The following PHF19 variants were observed in gnomAD, a reference collection of about 807,000 sequenced individuals.
PHF19 encodes the protein polycomb like 3.
Under a neutral mutation model 79.8 loss-of-function variants are expected in PHF19, and 21 were observed. That is an observed-to-expected ratio of 0.26 (90% CI 0.19 to 0.38). PHF19 has a LOEUF of 0.38. PHF19 is among the 10% of genes least tolerant of loss of function. PHF19 has a pLI of 1.00. For missense variants in PHF19, 445 were observed against 744.2 expected (o/e 0.60, Z 4.68); for synonymous variants, 273 against 296.3 (o/e 0.92, Z 0.81).
chr9:120,889,339 T>C (rs1165332642), intron 1 of PHF19, among the ~76,000 whole-genome samples: 1 of 148,544 alleles, frequency 6.7e-6, no homozygotes, highest in Non-Finnish European at 1.5e-5. Flanking sequence ...GGCAGAAGAA[T>C]CACTTGAACC....
chr9:120,876,757 C>A (rs993972351), intron 1 of PHF19, among the ~76,000 whole-genome samples: 7 of 152,240 alleles, frequency 4.6e-5, no homozygotes, highest in Admixed American at 3.3e-4. Flanking sequence ...AAGCCTCCCC[C>A]ATCCCAACCC....
chr9:120,895,800 GCA>G (rs1382263092), upstream of PHF19, among the ~76,000 whole-genome samples: 7 of 152,122 alleles, frequency 4.6e-5, no homozygotes, highest in African/African-American at 7.2e-5. Context: ...CTACAGGCAT[GCA>G]CCACCACACC....
At chr9:120,872,037 C>CAAA (rs1170243737) in intron 3 of PHF19, among the ~76,000 whole-genome samples, 409 of 30,218 alleles carry the variant, frequency 0.014, 46 homozygotes, top group South Asian at 0.017. Context: ...GACTCTGTCT[C>CAAA]AAAAAAAAAA....
intron 1 of PHF19, among the ~76,000 whole-genome samples, chr9:120,883,740 G>C (rs577587076): frequency 1.5e-4 from 21 of 141,182 alleles, no homozygotes; most frequent in African/African-American, 5.6e-4. Flanking sequence ...CAGCCTGGGT[G>C]ACAGAACAAG....
intron 1 of PHF19, among the ~76,000 whole-genome samples, chr9:120,883,289 A>G (rs1180026626): frequency 6.6e-6 from 1 of 152,208 alleles, no homozygotes; most frequent in African/African-American, 2.4e-5. Context: ...TGTGGAACCA[A>G]GGATCCCTTC....
At chr9:120,894,954 G>A (rs1244320278), upstream of PHF19, 4 of 421,932 alleles carry the variant, frequency 9.5e-6, no homozygotes, top group East Asian at 1.6e-4. Context: ...GCCAGCCTCG[G>A]CTCCACCAAA....
At position 120,862,543 on chromosome 9, in the gene PHF19, C is replaced by T. The variant is rs2045563551; in HGVS notation, c.1130+45G>A. 6.3e-7 allele frequency: 1 copy of T among 1,585,276 alleles called. No homozygotes were observed. On this transcript the variant is annotated intron_variant, in intron 11 of 14. Transcript: ENST00000373896. The surrounding 1 kb of genome is among the most constrained non-coding windows in gnomAD (Gnocchi z 4.6). ...CCTTGCTTGCTTGGAAGCAGAGAAA[C>T]CGAGTTTGGCGGCAGCCCTGGCCCC...
chr9:120,900,261 A>T, the PHF19 span, among the ~76,000 whole-genome samples: 1 of 152,210 alleles, frequency 6.6e-6, no homozygotes, highest in African/African-American at 2.4e-5. Context: ...TGCTGGGATT[A>T]CAGGCGTGAG....
At chr9:120,876,650 C>G (rs930618864) in intron 1 of PHF19, among the ~76,000 whole-genome samples, 1 of 152,124 alleles carries the variant, frequency 6.6e-6, no homozygotes, top group Non-Finnish European at 1.5e-5. Flanking sequence ...CCAGGGCGGC[C>G]GTTGGCTTTT....
rs1162814945 is a variant in PHF19, at chr9:120,874,326, T to G, written c.186+230A>C. ...GTGATCCTCTCAAACCTGACTTTTT[T>G]GTTTTGTAGGCTCTCAGAGCACTTT... On this transcript the variant is annotated intron_variant, in intron 2 of 14. Coordinates refer to ENST00000373896, the MANE Select transcript of PHF19 (RefSeq NM_015651.3). This position sits in a 1 kb window ranked among gnomAD's most constrained non-coding sequence, Gnocchi z 4.5. Among the ~76,000 whole-genome samples the G allele has an allele frequency of 1.3e-5, 2 of 152,168 alleles. No homozygotes were observed. Among genetic ancestry groups the G allele is most frequent in the Non-Finnish European group, 2.9e-5 (2 of 68,018 alleles).
rs568667719 is a variant in PHF19, at chr9:120,888,339, G to T, written c.42+6449C>A. On this transcript the variant is annotated intron_variant, in intron 1 of 14. Transcript: ENST00000616568. ...GAAGCTCCCAGATGGGAATGGAATTGCAGGGAGAACAAGCTTGGTGGCAGC... is the reference window on the plus strand; with the variant it reads ...GAAGCTCCCAGATGGGAATGGAATTTCAGGGAGAACAAGCTTGGTGGCAGC... Among the ~76,000 whole-genome samples, 4 of 152,298 alleles carry T rather than the reference G, an allele frequency of 2.6e-5. No homozygotes were observed. In the South Asian group the frequency reaches 8.3e-4, roughly 32 times the overall value.
intron 1 of PHF19, among the ~76,000 whole-genome samples, chr9:120,882,308 C>G (rs2046198195): frequency 6.6e-6 from 1 of 152,220 alleles, no homozygotes; most frequent in Non-Finnish European, 1.5e-5. Context: ...CATCCTCTTC[C>G]TTCTGCTGTG....
At chr9:120,881,790 C>T (rs1463094357), upstream of PHF19, among the ~76,000 whole-genome samples, 1 of 152,126 alleles carries the variant, frequency 6.6e-6, no homozygotes, top group East Asian at 1.9e-4. Context: ...GAGATGAAGT[C>T]TTGCTCTGTT....
upstream of PHF19, among the ~76,000 whole-genome samples, chr9:120,879,505 A>G (rs1377230636): frequency 2.6e-5 from 4 of 152,226 alleles, no homozygotes; most frequent in African/African-American, 9.6e-5. Flanking sequence ...ATCGGTTGAA[A>G]AGAGGGTAAT....
At chr9:120,903,954 A>G in the PHF19 span, 27 of 152,272 alleles carry the variant, frequency 1.8e-4, no homozygotes, top group Non-Finnish European at 5.9e-5. Flanking sequence ...CATACACTTT[A>G]GGAAAACTTC....
In PHF19 at chr9:120,861,992, C is replaced by G. The variant is rs781520232; in HGVS notation, c.1144G>C (p.Glu382Gln). Residue 382 changes from glutamate to glutamine, a missense_variant, in exon 12 of 15, where the codon GAA (glutamate) becomes CAA (glutamine). Around this residue, in one of 5 missense-constraint regions of PHF19, gnomAD observed 83 missense variants for 85.5 expected, o/e 0.97. Coordinates refer to ENST00000373896, the MANE Select transcript of PHF19 (RefSeq NM_015651.3). Reference sequence around the variant, plus strand: ...ACTCGCCTTTTCTGCTGCTGGAATTCGTGAGGCAACAAACTGTGGAGACAG... The same window carrying G: ...ACTCGCCTTTTCTGCTGCTGGAATTGGTGAGGCAACAAACTGTGGAGACAG... ...GKSKPGLLPH[E>Q]FQQQKRRVYR... The G allele has an allele frequency of 2.5e-6, 4 of 1,613,426 alleles. No homozygotes were observed. Among genetic ancestry groups the G allele is most frequent in the Non-Finnish European group, 3.4e-6 (4 of 1,179,304 alleles).
At chr9:120,876,457 C>CA (rs2046059484) in intron 1 of PHF19, 1 of 151,000 alleles carries the variant, frequency 6.6e-6, no homozygotes, top group Non-Finnish European at 1.5e-5. Flanking sequence ...GGCGCCCCCC[C>CA]AGCCCCCGCC....
intron 1 of PHF19, among the ~76,000 whole-genome samples, chr9:120,889,027 A>C (rs1230614885): frequency 6.6e-6 from 1 of 152,066 alleles, no homozygotes; most frequent in Non-Finnish European, 1.5e-5. Context: ...CCTTCCTCAA[A>C]ATGGGGAGCT....
At chr9:120,868,023 C>T (rs1276835742) in intron 6 of PHF19, among the ~76,000 whole-genome samples, 2 of 151,868 alleles carry the variant, frequency 1.3e-5, no homozygotes, top group Non-Finnish European at 2.9e-5. Context: ...GCATGCCCCG[C>T]CCCCCGGCCC....
Sources: gnomAD v4.1 joint callset for allele counts (sites outside exome capture counted in the v4.1 genomes callset) on GRCh38, gnomAD v4.1.1 for gene constraint, gnomAD v4.1.1 regional missense constraint, Gnocchi (gnomAD v3.1) non-coding constraint, MANE v1.5 for transcripts, NCBI Gene and HGNC (gene_info 2026-07-23, HGNC 2026-07-21) for gene names.